NDST3: variants seen among roughly 807,000 people sequenced by gnomAD.
NDST3 encodes bifunctional heparan sulfate N-deacetylase/N-sulfotransferase 3.
In NDST3, 58 loss-of-function variants were observed where a neutral mutation model predicts 96.1. That is an observed-to-expected ratio of 0.60 (90% CI 0.49 to 0.75). NDST3 has a LOEUF of 0.75. Among genes scored for constraint, NDST3 ranks in the 30% least tolerant of loss-of-function variants. NDST3 has a pLI of 0.00. For missense variants in NDST3, 788 were observed against 1,034.2 expected (o/e 0.76, Z 3.27); for synonymous variants, 333 against 359.7 (o/e 0.93, Z 0.84).
intron 6 of NDST3, chr4:118,194,698 A>C (rs1523746): frequency 0.18 from 106,561 of 586,642 alleles, 10,381 homozygotes; most frequent in South Asian, 0.25. Context: ...CCTCCATGGG[A>C]AGAGGCGCCA....
intron 12 of NDST3, 98 bp from the exon 13 acceptor site, chr4:118,253,401 G>C: frequency 1.5e-6 from 1 of 654,222 alleles, no homozygotes; most frequent in Non-Finnish European, 2.7e-6. Context: ...AAATATTTAT[G>C]TATTGGTCAC....
At chr4:118,226,819 G>A (rs1404925864) in intron 7 of NDST3, 67 bp from the exon 8 acceptor site, 1 of 1,099,106 alleles carries the variant, frequency 9.1e-7, no homozygotes, top group Non-Finnish European at 1.3e-6. Context: ...ACACAAGTTG[G>A]AAAAGCTGGC....
intron 6 of NDST3, among the ~76,000 whole-genome samples, chr4:118,156,343 C>G (rs1166902500): frequency 6.6e-6 from 1 of 152,202 alleles, no homozygotes; most frequent in African/African-American, 2.4e-5. Flanking sequence ...CCTCTGTGTT[C>G]TCATGGTACT....
At chr4:118,148,592 A>G (rs1275936374) in intron 6 of NDST3, among the ~76,000 whole-genome samples, 1 of 152,214 alleles carries the variant, frequency 6.6e-6, no homozygotes, top group Non-Finnish European at 1.5e-5. Context: ...ATCTTAAACT[A>G]GGATTAACAC....
chr4:118,229,847 C>T (rs922157277), intron 8 of NDST3, among the ~76,000 whole-genome samples: 3 of 152,030 alleles, frequency 2.0e-5, no homozygotes, highest in Non-Finnish European at 4.4e-5. Flanking sequence ...AATTGAGATT[C>T]AAATGTATTT....
intron 6 of NDST3, chr4:118,194,032 C>A: frequency 2.9e-6 from 4 of 1,378,938 alleles, no homozygotes; most frequent in Non-Finnish European, 1.0e-6. Context: ...TTTCAAAACT[C>A]TTGAGGTGTA....
At chr4:118,039,419 C>T (rs1243907968) in intron 1 of NDST3, among the ~76,000 whole-genome samples, 1 of 152,148 alleles carries the variant, frequency 6.6e-6, no homozygotes, top group Non-Finnish European at 1.5e-5. Context: ...TTTTTTCACT[C>T]ATTCAACAAA....
intron 9 of NDST3, among the ~76,000 whole-genome samples, chr4:118,234,968 T>G (rs1209403592): frequency 6.6e-6 from 1 of 150,694 alleles, no homozygotes; most frequent in Non-Finnish European, 1.5e-5. Flanking sequence ...AGGCAGAGGT[T>G]GCAATGAGTC....
chr4:118,222,947 C>T lies in NDST3; in HGVS notation c.1540-1544C>T, dbSNP rs566321511. On this transcript the variant is annotated intron_variant, in intron 6 of 13. Coordinates refer to ENST00000296499, the MANE Select transcript of NDST3 (RefSeq NM_004784.3). ...TATCTCTATTTCCCATTTTCTGTCCCATGCAGATATTATTCAAGTGAAATA... is the reference window on the plus strand; with the variant it reads ...TATCTCTATTTCCCATTTTCTGTCCTATGCAGATATTATTCAAGTGAAATA... 2.6e-5 allele frequency among the ~76,000 whole-genome samples: 4 copies of T among 151,900 alleles called. No individual in the cohort carries two copies. The South Asian group carries it at 8.3e-4, about 32-fold the overall frequency.
chr4:118,198,879 C>A (rs1273848679), intron 6 of NDST3, among the ~76,000 whole-genome samples: 1 of 151,816 alleles, frequency 6.6e-6, no homozygotes, highest in South Asian at 2.1e-4. Flanking sequence ...ATATTTCATT[C>A]CACTCTCTCT....
chr4:118,159,534 G>A lies in NDST3; in HGVS notation c.1539+15850G>A, dbSNP rs148739399. The stretch of plus-strand genomic sequence containing the variant: ...AGACCACAACAAAAGGTAACAAGGC[G>A]CATTAAGAAAAAGGAAAATATAGAC... On this transcript the variant is annotated intron_variant, in intron 6 of 13. Coordinates refer to ENST00000296499, the MANE Select transcript of NDST3 (RefSeq NM_004784.3). 9.2e-5 allele frequency among the ~76,000 whole-genome samples: 14 copies of A among 152,154 alleles called. No individual in the cohort carries two copies. The East Asian group carries it at 9.7e-4, about 11-fold the overall frequency.
intron 6 of NDST3, among the ~76,000 whole-genome samples, chr4:118,187,764 T>G (rs28823876): frequency 1.3e-5 from 2 of 152,202 alleles, no homozygotes; most frequent in African/African-American, 4.8e-5. Flanking sequence ...TGCCATCTTC[T>G]TGGGGAGAAA....
At chr4:118,235,550 T>A (rs1053582515) in intron 9 of NDST3, among the ~76,000 whole-genome samples, 3 of 152,206 alleles carry the variant, frequency 2.0e-5, no homozygotes, top group African/African-American at 7.2e-5. Context: ...TAGGAAGGTA[T>A]GGCAGGTTTA....
intron 2 of NDST3, among the ~76,000 whole-genome samples, chr4:118,095,211 G>A (rs1309931909): frequency 1.3e-5 from 2 of 151,842 alleles, no homozygotes; most frequent in Non-Finnish European, 2.9e-5. Context: ...AGAGGAAACA[G>A]AAAGACTAAA....
At chr4:118,079,415 A>T (rs1727833462) in intron 2 of NDST3, among the ~76,000 whole-genome samples, 1 of 152,180 alleles carries the variant, frequency 6.6e-6, no homozygotes, top group African/African-American at 2.4e-5. Context: ...GACATGAAAG[A>T]GGAGAATAGC....
intron 6 of NDST3, among the ~76,000 whole-genome samples, chr4:118,179,686 TCCTGTGC>T (rs1225095686): frequency 6.6e-6 from 1 of 152,068 alleles, no homozygotes; most frequent in African/African-American, 2.4e-5. Context: ...TCATTATTTT[TCCTGTGC>T]CCATCCCTAT....
intron 9 of NDST3, 73 bp from the exon 10 acceptor site, chr4:118,236,972 CA>C: frequency 8.9e-7 from 1 of 1,123,404 alleles, no homozygotes; most frequent in Non-Finnish European, 1.2e-6. Flanking sequence ...ATTTGTGGGA[CA>C]CTTTTAACAT....
chr4:118,169,896 G>A (rs1484517746), intron 6 of NDST3, among the ~76,000 whole-genome samples: 1 of 152,106 alleles, frequency 6.6e-6, no homozygotes, highest in African/African-American at 2.4e-5. Context: ...AGGTGGCAGT[G>A]ACTAGAGCAT....
chr4:118,131,996 G>A (rs1256664768), intron 4 of NDST3, among the ~76,000 whole-genome samples: 1 of 152,062 alleles, frequency 6.6e-6, no homozygotes, highest in East Asian at 1.9e-4. Flanking sequence ...GGACTGCACT[G>A]GGTCAGGCCT....
Sources: allele counts gnomAD v4.1 joint callset (sites outside exome capture counted in the v4.1 genomes callset), GRCh38; gene constraint gnomAD v4.1.1; transcripts MANE v1.5; gene names NCBI Gene and HGNC (gene_info 2026-07-23, HGNC 2026-07-21).